Variants in SLC35F4 observed in about 807,000 individuals in gnomAD.
SLC35F4 encodes the protein chromosome 14 open reading frame 36.
SLC35F4 carries 24 observed loss-of-function variants against 44.2 expected under a neutral mutation model. The ratio of observed to expected loss-of-function variants is 0.54; its 90% confidence interval spans 0.39 to 0.76. The LOEUF is 0.76. Among genes scored for constraint, SLC35F4 ranks in the 30% least tolerant of loss-of-function variants. The probability of loss-of-function intolerance (pLI) is 0.00; values close to 1 mark genes in which losing one functional copy is unlikely to be tolerated. For synonymous variants in SLC35F4, 238 were observed against 223.6 expected, an observed-to-expected ratio of 1.06 and a Z score of -0.57; for missense variants, 562 against 586.1, an observed-to-expected ratio of 0.96 and a Z score of 0.42.
chr14:57,980,312 C>T (rs886694924), intron 1 of SLC35F4, among the ~76,000 whole-genome samples: 2 of 152,122 alleles, frequency 1.3e-5, no homozygotes, highest in African/African-American at 4.8e-5. Context: ...AGGCTAGAAA[C>T]AAGGTGGGTG....
intron 1 of SLC35F4, among the ~76,000 whole-genome samples, chr14:57,933,984 C>G (rs990945225): frequency 6.6e-6 from 1 of 152,108 alleles, no homozygotes; most frequent in Admixed American, 6.5e-5. Flanking sequence ...GGTTTGCCAT[C>G]GGTCTTCATT....
At chr14:57,955,867 A>G (rs904568027) in intron 1 of SLC35F4, among the ~76,000 whole-genome samples, 3 of 152,236 alleles carry the variant, frequency 2.0e-5, no homozygotes, top group Non-Finnish European at 2.9e-5. Flanking sequence ...CATAGTGCCC[A>G]AAGTAATTTA....
At chr14:57,916,463 T>G (rs549370043) in intron 1 of SLC35F4, among the ~76,000 whole-genome samples, 1 of 152,352 alleles carries the variant, frequency 6.6e-6, no homozygotes, top group South Asian at 2.1e-4. Context: ...TAGGATCTTT[T>G]TGGTATCTAT....
chr14:57,599,330 T>A (rs1024337073), intron 1 of SLC35F4, among the ~76,000 whole-genome samples: 1 of 152,222 alleles, frequency 6.6e-6, no homozygotes, highest in East Asian at 1.9e-4. Context: ...TGGGAACTTG[T>A]TAGAAATGCA....
chr14:57,664,463 C>T lies in SLC35F4; in HGVS notation c.104-70339G>A, dbSNP rs192432253. ...TCGCTCCGTCATCCAGGCTGAAGTA[C>T]ATTGGCACGATCTCGGCTCACTGCA... is the stretch of plus-strand genomic sequence containing the variant. On this transcript the variant is annotated intron_variant, in intron 1 of 7. Transcript: ENST00000556826. Among the ~76,000 whole-genome samples, 269 of 152,208 alleles carry T rather than the reference C, an allele frequency of 1.8e-3. 1 individual carries two copies. The highest frequency in any genetic ancestry group is 5.5e-3 in the African/African-American group (228 of 41,534).
chr14:57,972,777 T>G (rs1881091546), downstream of SLC35F4, among the ~76,000 whole-genome samples: 1 of 152,198 alleles, frequency 6.6e-6, no homozygotes, highest in South Asian at 2.1e-4. Flanking sequence ...GCCACACTCA[T>G]GGCATTTATC....
intron 1 of SLC35F4, among the ~76,000 whole-genome samples, chr14:57,845,488 G>T (rs150923605): frequency 6.6e-6 from 1 of 152,270 alleles, no homozygotes; most frequent in Admixed American, 6.5e-5. Flanking sequence ...GTGTGCTATG[G>T]TTTATTATTC....
chr14:57,739,323 C>T (rs2076546783), intron 1 of SLC35F4, among the ~76,000 whole-genome samples: 1 of 152,122 alleles, frequency 6.6e-6, no homozygotes, highest in Non-Finnish European at 1.5e-5. Context: ...GTAGGAGGAC[C>T]AACGGCATAT....
At chr14:57,837,588 T>C (rs1256650057) in intron 1 of SLC35F4, 2 of 152,180 alleles carry the variant, frequency 1.3e-5, no homozygotes, top group Admixed American at 1.3e-4. Flanking sequence ...GGACTTAACC[T>C]AGCCAACCCG....
intron 1 of SLC35F4, among the ~76,000 whole-genome samples, chr14:57,685,934 A>G (rs547527152): frequency 6.6e-6 from 1 of 152,342 alleles, no homozygotes; most frequent in African/African-American, 2.4e-5. Flanking sequence ...CATTTGAACT[A>G]CATGAAAACC....
intron 1 of SLC35F4, among the ~76,000 whole-genome samples, chr14:57,958,879 G>T (rs764970836): frequency 6.6e-6 from 1 of 152,164 alleles, no homozygotes; most frequent in South Asian, 2.1e-4. Context: ...CTAACTCCCC[G>T]TAGAGAGAGG....
At position 57,683,681 on chromosome 14, in the gene SLC35F4, C is replaced by T. The variant is rs115764775; in HGVS notation, c.104-89557G>A. On this transcript the variant is annotated intron_variant, in intron 1 of 7. Transcript: ENST00000556826. ...TTTACTACTATTTTGTGACAAATTT[C>T]CTGTCACTTTTGACTTTTAAAATTG... Among the ~76,000 whole-genome samples the T allele has an allele frequency of 7.5e-3, 1,142 of 152,276 alleles. 17 individuals carry two copies. The highest frequency in any genetic ancestry group is 0.025 in the African/African-American group (1,047 of 41,566).
chr14:57,938,485 C>T (rs1457385189), intron 1 of SLC35F4, among the ~76,000 whole-genome samples: 2 of 152,106 alleles, frequency 1.3e-5, no homozygotes, highest in Non-Finnish European at 2.9e-5. Context: ...GTTTGCTGAG[C>T]TATAAAATGG....
chr14:57,852,266 A>C (rs1305016102), intron 1 of SLC35F4, among the ~76,000 whole-genome samples: 1 of 152,232 alleles, frequency 6.6e-6, no homozygotes, highest in Non-Finnish European at 1.5e-5. Context: ...GAGGGGCCAG[A>C]CAGGTCACAC....
intron 1 of SLC35F4, among the ~76,000 whole-genome samples, chr14:57,773,096 T>G (rs72624716): frequency 2.0e-5 from 3 of 152,118 alleles, no homozygotes; most frequent in Admixed American, 2.0e-4. Flanking sequence ...ATCGGTGATG[T>G]TGAGCATTTT....
At chr14:57,707,630 G>T (rs569663717) in intron 1 of SLC35F4, among the ~76,000 whole-genome samples, 33 of 152,210 alleles carry the variant, frequency 2.2e-4, no homozygotes, top group African/African-American at 7.7e-4. Context: ...ACAATAAATT[G>T]GTACCGAGCT....
intron 1 of SLC35F4, among the ~76,000 whole-genome samples, chr14:57,846,341 G>A (rs1009544743): frequency 5.3e-5 from 8 of 152,142 alleles, no homozygotes; most frequent in African/African-American, 1.9e-4. Flanking sequence ...CCTTCCACAA[G>A]GATAAATTTC....
intron 1 of SLC35F4, among the ~76,000 whole-genome samples, chr14:57,824,599 T>C (rs554364945): frequency 4.6e-5 from 7 of 152,262 alleles, no homozygotes; most frequent in Non-Finnish European, 1.0e-4. Flanking sequence ...TTTGGGGTTA[T>C]CAAGGAAGGT....
intron 1 of SLC35F4, among the ~76,000 whole-genome samples, chr14:57,827,417 G>A (rs530717305): frequency 6.6e-6 from 1 of 152,094 alleles, no homozygotes; most frequent in African/African-American, 2.4e-5. Flanking sequence ...TAGGAGATAA[G>A]TTGACAAGTA....
Sources: gnomAD v4.1 joint callset for allele counts (sites outside exome capture counted in the v4.1 genomes callset) on GRCh38, gnomAD v4.1.1 for gene constraint, MANE v1.5 for transcripts, NCBI Gene and HGNC (gene_info 2026-07-23, HGNC 2026-07-21) for gene names.